Variants in GRIN2A observed in about 807,000 individuals in gnomAD.
GRIN2A encodes the protein glutamate receptor ionotropic, NMDA 2A.
Under a neutral mutation model 113.4 loss-of-function variants are expected in GRIN2A, and 22 were observed. The ratio of observed to expected loss-of-function variants is 0.19; its 90% confidence interval spans 0.14 to 0.28. The LOEUF (loss-of-function observed/expected upper bound fraction) is 0.28, where lower values mean the gene tolerates loss of function less well. GRIN2A is among the 10% of genes least tolerant of loss of function. The probability of loss-of-function intolerance (pLI) is 1.00; values close to 1 mark genes in which losing one functional copy is unlikely to be tolerated. For synonymous variants in GRIN2A, 827 were observed against 738.4 expected, an observed-to-expected ratio of 1.12 and a Z score of -1.94; for missense variants, 1,502 against 1,887.0, an observed-to-expected ratio of 0.80 and a Z score of 3.78.
rs28638255 is a variant in GRIN2A, at chr16:10,052,120, T to C, written c.415-113569A>G. On this transcript the variant is annotated intron_variant, in intron 2 of 12. Transcript: ENST00000330684. ...GACAATGGCACACATGCCCAAAACA[T>C]TGTCATCAGGAAATTCAAGAGGTCA... is the stretch of plus-strand genomic sequence containing the variant. Among the ~76,000 whole-genome samples the C allele has an allele frequency of 2.5e-3, 380 of 152,278 alleles. 1 individual carries two copies. Among genetic ancestry groups the C allele is most frequent in the African/African-American group, 8.7e-3 (361 of 41,544 alleles).
chr16:10,179,962 C>T (rs2050225889), intron 2 of GRIN2A, 36 bp downstream of exon 2: 2 of 1,440,178 alleles, frequency 1.4e-6, no homozygotes, highest in East Asian at 3.3e-5. Flanking sequence ...CTGGTGGCTT[C>T]CCAGGTCCTG....
intron 4 of GRIN2A, among the ~76,000 whole-genome samples, chr16:9,862,309 T>A (rs925160675): frequency 6.6e-6 from 1 of 152,212 alleles, no homozygotes; most frequent in Non-Finnish European, 1.5e-5. Flanking sequence ...ACAGCTCACA[T>A]TGGAGAAGTA....
intron 3 of GRIN2A, among the ~76,000 whole-genome samples, chr16:9,924,110 C>CA (rs921695456): frequency 0.039 from 703 of 18,114 alleles, 24 homozygotes; most frequent in Non-Finnish European, 0.046. Context: ...GACTTGGTCT[C>CA]AAAAAAAAAA....
intron 2 of GRIN2A, among the ~76,000 whole-genome samples, chr16:10,169,454 T>C (rs958551264): frequency 1.3e-5 from 2 of 152,190 alleles, no homozygotes; most frequent in African/African-American, 4.8e-5. Flanking sequence ...TGTGACCCAG[T>C]TCTGGCCACT....
intron 2 of GRIN2A, among the ~76,000 whole-genome samples, chr16:9,940,870 A>C (rs1348299453): frequency 6.6e-6 from 1 of 152,204 alleles, no homozygotes; most frequent in Non-Finnish European, 1.5e-5. Flanking sequence ...CATTAATGCC[A>C]AAATAGGGCA....
At chr16:10,105,267 G>GA (rs1476422980) in intron 2 of GRIN2A, among the ~76,000 whole-genome samples, 1 of 152,084 alleles carries the variant, frequency 6.6e-6, no homozygotes, top group Admixed American at 6.5e-5. Flanking sequence ...CCCCAAAGAG[G>GA]AAAATCCTTG....
At chr16:9,971,793 G>A (rs1205277016) in intron 2 of GRIN2A, among the ~76,000 whole-genome samples, 2 of 151,892 alleles carry the variant, frequency 1.3e-5, no homozygotes, top group Non-Finnish European at 2.9e-5. Flanking sequence ...ACCCAAACAG[G>A]TAAAAAATTA....
intron 2 of GRIN2A, among the ~76,000 whole-genome samples, chr16:9,989,634 T>C (rs912718917): frequency 6.6e-6 from 1 of 151,792 alleles, no homozygotes; most frequent in Non-Finnish European, 1.5e-5. Context: ...ATTTGCAAAC[T>C]AGGTATCCAA....
chr16:10,064,888 G>A (rs771080581), intron 2 of GRIN2A, among the ~76,000 whole-genome samples: 2 of 152,254 alleles, frequency 1.3e-5, no homozygotes, highest in South Asian at 2.1e-4. Context: ...GCATTCACAC[G>A]GTCAGTGCAT....
chr16:9,802,506 C>T (rs539120480), intron 10 of GRIN2A, among the ~76,000 whole-genome samples: 2 of 152,164 alleles, frequency 1.3e-5, no homozygotes, highest in African/African-American at 2.4e-5. Context: ...AAGAGATGGC[C>T]ATTGTCTGCA....
intron 4 of GRIN2A, among the ~76,000 whole-genome samples, chr16:9,879,204 C>T (rs963047672): frequency 6.6e-6 from 1 of 152,030 alleles, no homozygotes; most frequent in African/African-American, 2.4e-5. Context: ...TCCACACAGA[C>T]TCTGCTAAGG....
chr16:9,819,239 G>C (rs150576087), intron 10 of GRIN2A, among the ~76,000 whole-genome samples: 1 of 151,862 alleles, frequency 6.6e-6, no homozygotes, highest in East Asian at 1.9e-4. Flanking sequence ...TTTAATTTAG[G>C]CTGGGCATAG....
intron 10 of GRIN2A, among the ~76,000 whole-genome samples, chr16:9,815,204 C>G (rs2042163290): frequency 1.3e-5 from 2 of 151,840 alleles, no homozygotes; most frequent in African/African-American, 4.8e-5. Flanking sequence ...TCACTGAGGA[C>G]AACTCAAGCC....
chr16:9,820,319 A>G (rs2042258469), intron 10 of GRIN2A, among the ~76,000 whole-genome samples: 1 of 152,258 alleles, frequency 6.6e-6, no homozygotes. Flanking sequence ...TTAAAAGACC[A>G]CAATGGAAAC....
intron 2 of GRIN2A, among the ~76,000 whole-genome samples, chr16:10,059,262 A>G (rs967996121): frequency 9.2e-5 from 14 of 151,770 alleles, no homozygotes; most frequent in Non-Finnish European, 7.4e-5. Flanking sequence ...ATGCAGGGGA[A>G]TAACAGATCT....
intron 2 of GRIN2A, among the ~76,000 whole-genome samples, chr16:9,973,215 C>T (rs929501196): frequency 2.0e-5 from 3 of 152,160 alleles, no homozygotes; most frequent in African/African-American, 7.2e-5. Context: ...CTGCATGACT[C>T]CTAAACCATA....
intron 2 of GRIN2A, among the ~76,000 whole-genome samples, chr16:10,093,662 C>T (rs1244280993): frequency 2.6e-5 from 4 of 151,976 alleles, no homozygotes; most frequent in Admixed American, 6.5e-5. Flanking sequence ...TGCATGATTG[C>T]ACAACTGGCC....
At chr16:10,130,456 A>G (rs1258308084) in intron 2 of GRIN2A, among the ~76,000 whole-genome samples, 1 of 152,236 alleles carries the variant, frequency 6.6e-6, no homozygotes, top group African/African-American at 2.4e-5. Context: ...TTCACCGAAC[A>G]TCCCCTGAGT....
At chr16:10,125,144 C>G (rs115517720) in intron 2 of GRIN2A, among the ~76,000 whole-genome samples, 2,514 of 152,268 alleles carry the variant, frequency 0.017, 86 homozygotes, top group African/African-American at 0.057. Flanking sequence ...ATCTGTCTTA[C>G]AAAACCATAA....
Sources: allele counts gnomAD v4.1 joint callset (sites outside exome capture counted in the v4.1 genomes callset), GRCh38; gene constraint gnomAD v4.1.1; transcripts MANE v1.5; gene names NCBI Gene and HGNC (gene_info 2026-07-23, HGNC 2026-07-21).